SGPP2: variants seen among roughly 807,000 people sequenced by gnomAD.
The protein encoded by SGPP2 is sphingosine-1-phosphate phosphatase 2, also known as sphingosine 1-phosphate phosphohydrolase 2.
SGPP2 carries 30 observed loss-of-function variants against 33.9 expected under a neutral mutation model. The ratio of observed to expected loss-of-function variants is 0.89; its 90% confidence interval spans 0.66 to 1.20. The LOEUF is 1.20. Among genes scored for constraint, SGPP2 ranks in the 50% most tolerant of loss-of-function variants. The pLI, the probability that SGPP2 is intolerant of heterozygous loss-of-function variation, is 0.00. For missense variants in SGPP2, 458 were observed against 532.1 expected, an observed-to-expected ratio of 0.86 and a Z score of 1.37; for synonymous variants, 233 against 225.0, an observed-to-expected ratio of 1.04 and a Z score of -0.32.
chr2:222,457,462 G>T (rs899757475), intron 1 of SGPP2, among the ~76,000 whole-genome samples: 1 of 152,064 alleles, frequency 6.6e-6, no homozygotes, highest in East Asian at 1.9e-4. Context: ...GCAATCAGGC[G>T]ACCTCTAAAA....
At chr2:222,467,762 G>T (rs1697767700) in intron 1 of SGPP2, among the ~76,000 whole-genome samples, 3 of 151,718 alleles carry the variant, frequency 2.0e-5, no homozygotes, top group Admixed American at 2.0e-4. Context: ...AGACTGAGTT[G>T]TACCCTGTGT....
chr2:222,496,055 C>T (rs750205832), intron 2 of SGPP2, among the ~76,000 whole-genome samples: 2 of 152,304 alleles, frequency 1.3e-5, no homozygotes, highest in Non-Finnish European at 2.9e-5. Flanking sequence ...TCTTGGTCTC[C>T]GTGTCACATA....
At chr2:222,452,414 G>A in intron 1 of SGPP2, 2 of 765,090 alleles carry the variant, frequency 2.6e-6, no homozygotes, top group Non-Finnish European at 2.4e-6. Flanking sequence ...AGATCTTCAA[G>A]TTGTATGTTC....
At chr2:222,484,236 G>A (rs954067498) in intron 2 of SGPP2, among the ~76,000 whole-genome samples, 2 of 152,006 alleles carry the variant, frequency 1.3e-5, no homozygotes, top group African/African-American at 2.4e-5. Context: ...ACTGGAAAAC[G>A]TGCTCACATT....
chr2:222,561,088 G>C lies in SGPP2; in HGVS notation c.*2190G>C, dbSNP rs1381974003. 2 of 147,642 alleles carry C rather than the reference G, an allele frequency of 1.4e-5. No individual in the cohort carries two copies. Among genetic ancestry groups the C allele is most frequent in the African/African-American group, 5.0e-5 (2 of 39,894 alleles). The allele number at this position is 147,642 out of a possible 1,614,324, so 9.1% of individuals were successfully genotyped here. Reference sequence around the variant, plus strand: ...CCACTGCACTCCAGCCTGGGCGACAGAGCGAGACTCTCTCAAAAAAAAAAA... The same window carrying C: ...CCACTGCACTCCAGCCTGGGCGACACAGCGAGACTCTCTCAAAAAAAAAAA... On this transcript the variant is annotated 3_prime_UTR_variant, in exon 5 of 5. Transcript: ENST00000321276.
In SGPP2 at chr2:222,477,401, GTA is replaced by G. The variant is rs974062407; in HGVS notation, c.378+2681_378+2682del. On this transcript the variant is annotated intron_variant, in intron 2 of 4. Transcript: ENST00000321276. The surrounding 1 kb of genome is among the most constrained non-coding windows in gnomAD (Gnocchi z 6.0). ...GGTGTGTATATATGTGTATAGGTGT[GTA>G]TATATGTGTGTTTATAGGTATGTAT... Among the ~76,000 whole-genome samples, 4 of 151,366 alleles carry G rather than the reference GTA, an allele frequency of 2.6e-5. No individual in the cohort carries two copies. Among genetic ancestry groups the G allele is most frequent in the Admixed American group, 2.0e-4 (3 of 15,218 alleles).
intron 1 of SGPP2, among the ~76,000 whole-genome samples, chr2:222,466,868 G>C (rs942818724): frequency 6.6e-6 from 1 of 152,164 alleles, no homozygotes; most frequent in Non-Finnish European, 1.5e-5. Context: ...GTCTCAGGGA[G>C]GCATGTCTTA....
chr2:222,523,897 A>T (rs1698720368), intron 3 of SGPP2, among the ~76,000 whole-genome samples: 1 of 152,178 alleles, frequency 6.6e-6, no homozygotes, highest in South Asian at 2.1e-4. Flanking sequence ...TTAATGATAA[A>T]CCTTAAGAAC....
intron 2 of SGPP2, among the ~76,000 whole-genome samples, chr2:222,507,840 ATC>A (rs1559164480): frequency 6.6e-6 from 1 of 152,202 alleles, no homozygotes; most frequent in Admixed American, 6.5e-5. Flanking sequence ...TTAACAGTAT[ATC>A]TCATAATTTT....
chr2:222,505,952 A>G (rs1698438420), intron 2 of SGPP2, among the ~76,000 whole-genome samples: 1 of 151,996 alleles, frequency 6.6e-6, no homozygotes, highest in Non-Finnish European at 1.5e-5. Flanking sequence ...AAAAAAAAAA[A>G]AAGTAGTTAA....
chr2:222,518,351 AG>A (rs1002042066), intron 2 of SGPP2, among the ~76,000 whole-genome samples: 1 of 152,248 alleles, frequency 6.6e-6, no homozygotes, highest in Non-Finnish European at 1.5e-5. Context: ...TATCTGAAGG[AG>A]AGTCACCCAA....
chr2:222,433,033 GAGAAAGAA>G (rs532524028), intron 1 of SGPP2, among the ~76,000 whole-genome samples: 6 of 131,964 alleles, frequency 4.5e-5, no homozygotes, highest in African/African-American at 5.6e-5. Flanking sequence ...GAAAGAAAGA[GAGAAAGAA>G]AGAAAGAAAG....
At chr2:222,472,465 A>G (rs189570859) in intron 1 of SGPP2, among the ~76,000 whole-genome samples, 79 of 152,262 alleles carry the variant, frequency 5.2e-4, no homozygotes, top group Non-Finnish European at 8.5e-4. Flanking sequence ...AAAAGTCTGG[A>G]AAACATCTCA....
At chr2:222,433,994 C>T (rs183446072) in intron 1 of SGPP2, among the ~76,000 whole-genome samples, 79 of 152,294 alleles carry the variant, frequency 5.2e-4, no homozygotes, top group African/African-American at 1.4e-3. Flanking sequence ...TTACAGTTTT[C>T]GTTAATGATT....
chr2:222,491,136 AAT>A lies in SGPP2; in HGVS notation c.378+16417_378+16418del, dbSNP rs79156161. Among the ~76,000 whole-genome samples the A allele has an allele frequency of 9.2e-3, 1,378 of 149,856 alleles. 12 individuals carry two copies. The highest frequency in any genetic ancestry group is 0.011 in the Non-Finnish European group (701 of 66,646). Reference sequence around the variant, plus strand: ...TCTTTAAGATGGCATAGCACTTCCAAATATATATTTTTTTTTGAAACAGAGTC... The same window carrying A: ...TCTTTAAGATGGCATAGCACTTCCAAATATATTTTTTTTTGAAACAGAGTC... On this transcript the variant is annotated intron_variant, in intron 2 of 4. Coordinates refer to ENST00000321276, the MANE Select transcript of SGPP2 (RefSeq NM_152386.4).
intron 2 of SGPP2, among the ~76,000 whole-genome samples, chr2:222,512,141 A>G (rs1163693224): frequency 6.6e-6 from 1 of 151,708 alleles, no homozygotes; most frequent in Non-Finnish European, 1.5e-5. Context: ...CCTCCCAAGT[A>G]GCTGGAACTA....
intron 4 of SGPP2, among the ~76,000 whole-genome samples, chr2:222,532,171 G>A (rs547302931): frequency 1.3e-5 from 2 of 152,308 alleles, no homozygotes; most frequent in East Asian, 3.9e-4. Context: ...CTACTTGGGA[G>A]GCTGAGGCAG....
chr2:222,547,058 A>C (rs964118142), intron 4 of SGPP2, among the ~76,000 whole-genome samples: 12 of 152,204 alleles, frequency 7.9e-5, no homozygotes, highest in African/African-American at 2.9e-4. Context: ...CAGTTTGAAA[A>C]GCACTGAAAC....
intron 4 of SGPP2, among the ~76,000 whole-genome samples, chr2:222,556,467 C>G (rs1162837954): frequency 2.8e-5 from 4 of 142,208 alleles, no homozygotes; most frequent in East Asian, 4.2e-4. Context: ...CTCACTCCCC[C>G]GCATCCACTC....
Sources: gnomAD v4.1 joint callset for allele counts (sites outside exome capture counted in the v4.1 genomes callset) on GRCh38, gnomAD v4.1.1 for gene constraint, Gnocchi (gnomAD v3.1) non-coding constraint, MANE v1.5 for transcripts, NCBI Gene and HGNC (gene_info 2026-07-23, HGNC 2026-07-21) for gene names.